CEP78: variants seen among roughly 807,000 people sequenced by gnomAD.
CEP78 encodes centrosomal protein 78, also known as centrosomal protein of 78 kDa.
Under a neutral mutation model 81.2 loss-of-function variants are expected in CEP78, and 76 were observed. That is an observed-to-expected ratio of 0.94 (90% CI 0.78 to 1.13). The LOEUF is 1.13. Ranked by LOEUF, CEP78 falls within the 50% of genes most tolerant of loss-of-function variation. CEP78 has a pLI of 0.00. For missense variants in CEP78, 918 were observed against 846.8 expected (o/e 1.08, Z -1.04); for synonymous variants, 293 against 301.4 (o/e 0.97, Z 0.29).
At chr9:78,243,125 G>A (rs1826309613) in intron 4 of CEP78, among the ~76,000 whole-genome samples, 1 of 152,100 alleles carries the variant, frequency 6.6e-6, no homozygotes, top group African/African-American at 2.4e-5. Flanking sequence ...ATGATTTAGA[G>A]GCTCAGCAAT....
chr9:78,264,065 A>T, intron 12 of CEP78, 85 bp from the exon 13 acceptor site: 1 of 974,508 alleles, frequency 1.0e-6, no homozygotes, highest in African/African-American at 1.7e-5. Context: ...TTACATTTTT[A>T]AAATGTTTTA....
chr9:78,264,064 TAAAATG>T, intron 12 of CEP78, 80 bp from the exon 13 acceptor site: 1 of 967,148 alleles, frequency 1.0e-6, no homozygotes. Flanking sequence ...ATTACATTTT[TAAAATG>T]TTTTATTTTA....
At chr9:78,250,832 A>C (rs1826725164) in intron 8 of CEP78, among the ~76,000 whole-genome samples, 1 of 152,218 alleles carries the variant, frequency 6.6e-6, no homozygotes, top group African/African-American at 2.4e-5. Flanking sequence ...AAAACAGCAC[A>C]CAATGAACTG....
chr9:78,246,104 A>G (rs1258802979), intron 5 of CEP78, among the ~76,000 whole-genome samples: 2 of 152,204 alleles, frequency 1.3e-5, no homozygotes, highest in African/African-American at 4.8e-5. Context: ...CTGTAATTGT[A>G]AAATATGTTG....
At chr9:78,269,658 G>A (rs1827648369) in intron 16 of CEP78, among the ~76,000 whole-genome samples, 1 of 152,174 alleles carries the variant, frequency 6.6e-6, no homozygotes, top group Admixed American at 6.5e-5. Context: ...ACCTTAATGA[G>A]AGCAATTCAC....
At position 78,265,918 on chromosome 9, in the gene CEP78, GATATAGATAATTTTTCAGA is replaced by G; in HGVS notation, c.1845+16_1845+34del. 7.9e-7 allele frequency: 1 copy of G among 1,272,818 alleles called. No homozygotes were observed. The highest frequency in any genetic ancestry group is 2.5e-5 in the East Asian group (1 of 39,662). 78.8% of individuals were successfully genotyped at this position (1,272,818 alleles called of 1,614,324 possible). ...GAACACTAATGAAGGTACAAGTACT[GATATAGATAATTTTTCAGA>G]ATAAGTAATTCATATATAACAGGCA... On this transcript the variant is annotated intron_variant, in intron 15 of 16. Coordinates refer to ENST00000643273, the MANE Select transcript of CEP78 (RefSeq NM_001330691.3).
chr9:78,269,022 A>G (rs1363824071), intron 16 of CEP78, among the ~76,000 whole-genome samples: 2 of 152,170 alleles, frequency 1.3e-5, no homozygotes, highest in African/African-American at 2.4e-5. Context: ...AGTCTTCAAG[A>G]CAGGCATATG....
chr9:78,245,886 G>A lies in CEP78; in HGVS notation c.779-783G>A, dbSNP rs144245436. 2.6e-4 allele frequency among the ~76,000 whole-genome samples: 39 copies of A among 152,130 alleles called. 2 individuals are homozygous for A. The highest frequency in any genetic ancestry group is 6.8e-3 in the Middle Eastern group (2 of 294). ...TGTCATTTTTATTCTAAAACTAACA[G>A]TTTACATTTTTGTATTTTCTTTTCA... On this transcript the variant is annotated intron_variant, in intron 5 of 16. Coordinates refer to ENST00000643273, the MANE Select transcript of CEP78 (RefSeq NM_001330691.3).
Position 78,267,551 on chromosome 9 carries a change from A to G in CEP78, c.2107+848A>G, listed in dbSNP as rs574808253. Among the ~76,000 whole-genome samples, 7 of 152,316 alleles carry G rather than the reference A, an allele frequency of 4.6e-5. No individual in the cohort carries two copies. In the South Asian group the frequency reaches 1.5e-3, roughly 32 times the overall value. Reference sequence around the variant, plus strand: ...TGTCCATTTTATAGATGAGGTGTCTAAGGAGACAGATTATGTGAATTGCCC... The same window carrying G: ...TGTCCATTTTATAGATGAGGTGTCTGAGGAGACAGATTATGTGAATTGCCC... On this transcript the variant is annotated intron_variant, in intron 16 of 16. Transcript: ENST00000643273.
chr9:78,236,969 C>CTTTTTTTTTTTTTTTTTTTTT (rs71360676), intron 1 of CEP78, among the ~76,000 whole-genome samples: 2 of 62,090 alleles, frequency 3.2e-5, no homozygotes, highest in African/African-American at 1.2e-4. Context: ...CAGCCTTTGT[C>CTTTTTTTTTTTTTTTTTTTTT]TTTTTTTTTT....
chr9:78,262,202 A>AT (rs535753147), intron 11 of CEP78, among the ~76,000 whole-genome samples: 19,795 of 137,540 alleles, frequency 0.14, 1,540 homozygotes, highest in Admixed American at 0.27. Flanking sequence ...GGGATGTGCT[A>AT]TTTTTTTTTT....
chr9:78,269,231 G>A (rs896402088), intron 16 of CEP78, among the ~76,000 whole-genome samples: 3 of 152,144 alleles, frequency 2.0e-5, no homozygotes, highest in Non-Finnish European at 4.4e-5. Flanking sequence ...GTTATGGGAA[G>A]TAAGGAAAAA....
chr9:78,264,329 C>G lies in CEP78; in HGVS notation c.1625+13C>G, dbSNP rs1402673448. On this transcript the variant is annotated intron_variant, in intron 13 of 16. Transcript: ENST00000643273. ...TTAAAGATGCTGGGTTAGTTACTTTCTCCCTATGACATTCGTCCCTCCATG... is the reference window on the plus strand; with the variant it reads ...TTAAAGATGCTGGGTTAGTTACTTTGTCCCTATGACATTCGTCCCTCCATG... 5 of 1,610,748 alleles carry G rather than the reference C, an allele frequency of 3.1e-6. No individual in the cohort carries two copies. In the East Asian group the frequency reaches 1.1e-4, roughly 36 times the overall value.
Position 78,236,374 on chromosome 9 carries a change from C to T in CEP78, c.24C>T (p.Arg8=). The T allele has an allele frequency of 6.3e-7, 1 of 1,586,020 alleles. No homozygotes were observed. The highest frequency in any genetic ancestry group is 1.7e-4 in the Middle Eastern group (1 of 6,016). The change falls in exon 1 of 17, where the codon CGC becomes CGT. Residue 8 remains arginine (R), a synonymous_variant. Transcript: ENST00000643273. ...CCATGATCGACTCCGTGAAGCTGCGCCGCGACAGCGCGGCGGACTTCTTCT... is the reference window on the plus strand; with the variant it reads ...CCATGATCGACTCCGTGAAGCTGCGTCGCGACAGCGCGGCGGACTTCTTCT... MIDSVKL[R]RDSAADFFSH... is the part of the protein sequence containing the mutation.
At chr9:78,248,235 G>A in intron 6 of CEP78, 56 bp from the exon 7 acceptor site, 1 of 892,152 alleles carries the variant, frequency 1.1e-6, no homozygotes. Flanking sequence ...TTTTAAATGG[G>A]AATAGCCACT....
At chr9:78,260,601 G>A (rs1827230428) in intron 11 of CEP78, among the ~76,000 whole-genome samples, 1 of 151,692 alleles carries the variant, frequency 6.6e-6, no homozygotes, top group Admixed American at 6.6e-5. Context: ...CAGCTACTCA[G>A]GAGGCTGAAG....
Position 78,272,487 on chromosome 9 carries a change from TCCAA to T in CEP78, c.*1641_*1644del, listed in dbSNP as rs1409066845. 1 of 152,016 alleles carries T rather than the reference TCCAA, an allele frequency of 6.6e-6. No homozygotes were observed. Among genetic ancestry groups the T allele is most frequent in the African/African-American group, 2.4e-5 (1 of 41,376 alleles). 9.4% of individuals were successfully genotyped at this position (152,016 alleles called of 1,614,324 possible). On this transcript the variant is annotated 3_prime_UTR_variant, in exon 17 of 17. Transcript: ENST00000643273. ...ATACTAATGACATATGAAAACAAAG[TCCAA>T]CCAAAGTTCTAGGTTTGAACATGAA...
rs1827776037 is a variant in CEP78, at chr9:78,275,199, C to T, written c.*4348C>T. 1 of 151,956 alleles carries T rather than the reference C, an allele frequency of 6.6e-6. No individual in the cohort carries two copies. The allele number at this position is 151,956 out of a possible 1,614,324, so 9.4% of individuals were successfully genotyped here. ...GTGTTAAACCAATAAATTTGAAAGA[C>T]TAGATGAAATGTGACTGTTTAAAAA... On this transcript the variant is annotated 3_prime_UTR_variant, in exon 17 of 17. Coordinates refer to ENST00000643273, the MANE Select transcript of CEP78 (RefSeq NM_001330691.3).
chr9:78,246,594 C>T (rs1826492332), intron 5 of CEP78, 75 bp from the exon 6 acceptor site: 28 of 882,126 alleles, frequency 3.2e-5, no homozygotes, highest in Middle Eastern at 4.6e-4. Context: ...AGTGAGACTC[C>T]GTCTCAAAAA....
Sources: gnomAD v4.1 joint callset for allele counts (sites outside exome capture counted in the v4.1 genomes callset) on GRCh38, gnomAD v4.1.1 for gene constraint, MANE v1.5 for transcripts, NCBI Gene and HGNC (gene_info 2026-07-23, HGNC 2026-07-21) for gene names.